HS1BP3: variants seen among roughly 807,000 people sequenced by gnomAD.
HS1BP3 encodes the protein HCLS1 binding protein 3.
HS1BP3 carries 32 observed loss-of-function variants against 33.5 expected under a neutral mutation model. The ratio of observed to expected loss-of-function variants is 0.95; its 90% CI spans 0.72 to 1.28. The LOEUF (loss-of-function observed/expected upper bound fraction) is 1.28, where lower values mean the gene tolerates loss of function less well. Among genes scored for constraint, HS1BP3 ranks in the 50% most tolerant of loss-of-function variants. The pLI, the probability that HS1BP3 is intolerant of heterozygous loss-of-function variation, is 0.00. For missense variants in HS1BP3, 486 were observed against 502.3 expected, an observed-to-expected ratio of 0.97 and a Z score of 0.31; for synonymous variants, 187 against 209.2, an observed-to-expected ratio of 0.89 and a Z score of 0.92.
At chr2:20,649,888 C>T (rs1160178754) in intron 1 of HS1BP3, among the ~76,000 whole-genome samples, 1 of 152,202 alleles carries the variant, frequency 6.6e-6, no homozygotes, top group Non-Finnish European at 1.5e-5. Flanking sequence ...CCCACCCCAT[C>T]CCAAGCACCC....
downstream of HS1BP3, among the ~76,000 whole-genome samples, chr2:20,587,679 G>A (rs1189828778): frequency 1.3e-5 from 2 of 152,162 alleles, no homozygotes; most frequent in African/African-American, 4.8e-5. Flanking sequence ...CTGGGAGGCA[G>A]AGCTTGCAGT....
At chr2:20,573,633 A>G (rs556022891) in intron 5 of HS1BP3, among the ~76,000 whole-genome samples, 1 of 152,348 alleles carries the variant, frequency 6.6e-6, no homozygotes, top group African/African-American at 2.4e-5. Context: ...ACAAATCCAC[A>G]GCTCTCAGCT....
chr2:20,593,111 T>A (rs1375197951), intron 3 of HS1BP3, among the ~76,000 whole-genome samples: 1 of 137,926 alleles, frequency 7.3e-6, no homozygotes, highest in East Asian at 2.4e-4. Flanking sequence ...CAGCACACCA[T>A]GTTCCTGCTT....
chr2:20,598,541 T>C (rs1479669523), intron 2 of HS1BP3, among the ~76,000 whole-genome samples: 1 of 592 alleles, frequency 1.7e-3, no homozygotes, highest in Non-Finnish European at 5.7e-3. Flanking sequence ...CGGTACTTCT[T>C]TTTTTTTTTT....
intron 6 of HS1BP3, chr2:20,622,217 A>T: frequency 6.2e-6 from 8 of 1,296,948 alleles, no homozygotes; most frequent in Non-Finnish European, 8.1e-6. Context: ...ATTATGAGGA[A>T]GTCCAACTAC....
At chr2:20,624,409 G>A (rs1312866907) in intron 5 of HS1BP3, among the ~76,000 whole-genome samples, 1 of 152,136 alleles carries the variant, frequency 6.6e-6, no homozygotes, top group Non-Finnish European at 1.5e-5. Context: ...TCCCAAGGCC[G>A]CTCGGTTTTC....
rs541440530 is a variant in HS1BP3, at chr2:20,632,366, G to A, written c.623+6070C>T. 5.3e-4 allele frequency among the ~76,000 whole-genome samples: 80 copies of A among 152,248 alleles called. 1 individual carries two copies. The highest frequency in any genetic ancestry group is 9.8e-4 in the Non-Finnish European group (67 of 68,038). On this transcript the variant is annotated intron_variant, in intron 4 of 6. Transcript: ENST00000304031. Reference sequence around the variant, plus strand: ...CAGCAGACAGCTAGCTGTCCTTGCAGTGGGGAATGCCCATCACCCATGTCA... The same window carrying A: ...CAGCAGACAGCTAGCTGTCCTTGCAATGGGGAATGCCCATCACCCATGTCA...
intron 5 of HS1BP3, among the ~76,000 whole-genome samples, chr2:20,572,525 TTTG>T (rs1314017537): frequency 6.6e-6 from 1 of 152,156 alleles, no homozygotes; most frequent in Non-Finnish European, 1.5e-5. Context: ...GAGTTCTTAT[TTTG>T]TTTTTTTTTC....
chr2:20,612,744 G>T (rs943017987), intron 2 of HS1BP3, among the ~76,000 whole-genome samples: 8 of 152,096 alleles, frequency 5.3e-5, no homozygotes, highest in African/African-American at 1.9e-4. Context: ...TCCACTTTTT[G>T]GCTGTGATAA....
downstream of HS1BP3, chr2:20,592,588 A>C (rs2149279672): frequency 6.3e-6 from 1 of 158,098 alleles, no homozygotes; most frequent in Admixed American, 6.5e-5. Flanking sequence ...ATGACCACAA[A>C]CTGGATGGCT....
chr2:20,585,836 A>G (rs902947053), intron 5 of HS1BP3, among the ~76,000 whole-genome samples: 1 of 152,202 alleles, frequency 6.6e-6, no homozygotes, highest in African/African-American at 2.4e-5. Flanking sequence ...CATCATGCCT[A>G]CTGTGTGTCA....
At chr2:20,647,756 A>C (rs1344420877) in intron 1 of HS1BP3, among the ~76,000 whole-genome samples, 1 of 152,126 alleles carries the variant, frequency 6.6e-6, no homozygotes. Context: ...CGGAGAGTAC[A>C]TAAACAAATG....
the HS1BP3 span, among the ~76,000 whole-genome samples, chr2:20,554,664 A>G: frequency 2.7e-5 from 4 of 147,756 alleles, no homozygotes; most frequent in Admixed American, 6.9e-5. Context: ...GGAGGTTGCA[A>G]TTGCACTCAA....
In HS1BP3 at chr2:20,620,512, G is replaced by A. The variant is rs374178401; in HGVS notation, c.921-1267C>T. On this transcript the variant is annotated intron_variant, in intron 6 of 6. Coordinates refer to ENST00000304031, the MANE Select transcript of HS1BP3 (RefSeq NM_022460.4). The stretch of plus-strand genomic sequence containing the variant: ...CACCCACTTGGTCTCTACAAGCTTC[G>A]GCTTCCTCATCTACAAGCAGGAGTA... Among the ~76,000 whole-genome samples, 34 of 152,258 alleles carry A rather than the reference G, an allele frequency of 2.2e-4. 1 individual carries two copies. In the South Asian group the frequency reaches 5.8e-3, roughly 26 times the overall value.
intron 5 of HS1BP3, among the ~76,000 whole-genome samples, chr2:20,584,937 G>A (rs1441892406): frequency 6.6e-6 from 1 of 152,182 alleles, no homozygotes; most frequent in Non-Finnish European, 1.5e-5. Context: ...TGGAACCAAA[G>A]CCTTTGGCTT....
intron 2 of HS1BP3, among the ~76,000 whole-genome samples, chr2:20,599,647 C>CAT (rs1478948657): frequency 7.0e-6 from 1 of 143,282 alleles, no homozygotes; most frequent in East Asian, 2.1e-4. Context: ...CACACACACA[C>CAT]ACTCTGTTTT....
At chr2:20,642,725 G>C (rs1416097048) in intron 2 of HS1BP3, among the ~76,000 whole-genome samples, 1 of 152,230 alleles carries the variant, frequency 6.6e-6, no homozygotes, top group African/African-American at 2.4e-5. Flanking sequence ...GTCCATCAGG[G>C]GTTCAGGCAG....
rs971349114 is a variant in HS1BP3 at position 20,611,894 on chromosome 2, A to G, written c.178+12002T>C. Among the ~76,000 whole-genome samples, 5 of 152,294 alleles carry G rather than the reference A, an allele frequency of 3.3e-5. No homozygotes were observed. Among genetic ancestry groups the G allele is most frequent in the African/African-American group, 9.6e-5 (4 of 41,558 alleles). ...CCTCCCGCACCTACAACCACCCTCC[A>G]TGGAGAGCAAGCCATCAGCACCCCT... is the stretch of plus-strand genomic sequence containing the variant. On this transcript the variant is annotated intron_variant, in intron 2 of 3. Coordinates refer to the HS1BP3 transcript ENST00000415264. This position sits in a 1 kb window ranked among gnomAD's most constrained non-coding sequence, Gnocchi z 4.9.
chr2:20,643,187 C>T (rs1263867811), intron 2 of HS1BP3, among the ~76,000 whole-genome samples: 2 of 152,230 alleles, frequency 1.3e-5, no homozygotes, highest in Non-Finnish European at 2.9e-5. Context: ...CAAGCCCCTG[C>T]ACGCACACAC....
Sources: allele counts gnomAD v4.1 joint callset (sites outside exome capture counted in the v4.1 genomes callset), GRCh38; gene constraint gnomAD v4.1.1; non-coding constraint Gnocchi (gnomAD v3.1); transcripts MANE v1.5; gene names NCBI Gene and HGNC (gene_info 2026-07-23, HGNC 2026-07-21).